Variants in PDE5A observed in about 807,000 individuals in gnomAD.
PDE5A encodes the protein phosphodiesterase 5A, also known as cGMP-specific 3',5'-cyclic phosphodiesterase.
Under a neutral mutation model 110.2 loss-of-function variants are expected in PDE5A, and 67 were observed. The ratio of observed to expected loss-of-function variants is 0.61; its 90% CI spans 0.50 to 0.75. The LOEUF is 0.75. PDE5A is among the 30% of genes least tolerant of loss of function. The pLI is 0.00. For synonymous variants in PDE5A, 328 were observed against 351.2 expected, an observed-to-expected ratio of 0.93 and a Z score of 0.74; for missense variants, 862 against 1,045.1, an observed-to-expected ratio of 0.82 and a Z score of 2.42.
intron 3 of PDE5A, 72 bp from the exon 4 acceptor site, chr4:119,567,216 T>C (rs1003268901): frequency 8.9e-7 from 1 of 1,119,204 alleles, no homozygotes; most frequent in Non-Finnish European, 1.4e-6. Context: ...CCAAAATGTA[T>C]TTATAGAAGA....
Position 119,516,425 on chromosome 4 carries a change from CAACACCA to C in PDE5A, c.2000+2613_2000+2619del, listed in dbSNP as rs879375395. ...AACATAATTTCACTGCATTATTTATCAACACCAAACTTGAATCTAACCAAATAAATGC... is the reference window on the plus strand; with the variant it reads ...AACATAATTTCACTGCATTATTTATCAACTTGAATCTAACCAAATAAATGC... On this transcript the variant is annotated intron_variant, in intron 14 of 20. Coordinates refer to ENST00000354960, the MANE Select transcript of PDE5A (RefSeq NM_001083.4). 5.1e-4 allele frequency among the ~76,000 whole-genome samples: 78 copies of C among 152,288 alleles called. 1 individual carries two copies. Among genetic ancestry groups the C allele is most frequent in the Admixed American group, 4.8e-3 (74 of 15,304 alleles).
chr4:119,572,684 T>C (rs1300628590), intron 3 of PDE5A, among the ~76,000 whole-genome samples: 1 of 152,206 alleles, frequency 6.6e-6, no homozygotes, highest in Non-Finnish European at 1.5e-5. Flanking sequence ...AAAACACAGT[T>C]TCGTGGGTCT....
intron 3 of PDE5A, among the ~76,000 whole-genome samples, chr4:119,585,522 AAGAG>A (rs749525017): frequency 1.3e-5 from 2 of 152,182 alleles, no homozygotes; most frequent in African/African-American, 2.4e-5. Context: ...AAATGATTTT[AAGAG>A]ATCATTTTAA....
intron 3 of PDE5A, among the ~76,000 whole-genome samples, chr4:119,586,528 A>T (rs1207936108): frequency 1.3e-5 from 2 of 152,212 alleles, no homozygotes; most frequent in Admixed American, 6.5e-5. Flanking sequence ...GAGAGCAGCA[A>T]TTTCATTAAC....
chr4:119,599,253 GTGAAACAGACTA>G (rs1729257851), intron 2 of PDE5A, among the ~76,000 whole-genome samples: 1 of 152,024 alleles, frequency 6.6e-6, no homozygotes, highest in Admixed American at 6.6e-5. Context: ...TCCAAATGTA[GTGAAACAGACTA>G]TGACCAGCAG....
At chr4:119,501,096 T>G (rs534434160) in intron 20 of PDE5A, 74 bp downstream of exon 20, 1 of 884,874 alleles carries the variant, frequency 1.1e-6, no homozygotes, top group East Asian at 2.4e-5. Flanking sequence ...GCGCCTAATA[T>G]TAATCTCTTC....
intron 10 of PDE5A, among the ~76,000 whole-genome samples, chr4:119,539,296 C>T (rs1166654151): frequency 1.3e-5 from 2 of 151,656 alleles, no homozygotes; most frequent in African/African-American, 2.4e-5. Context: ...TATTTATAAG[C>T]CAGCCTAGAA....
chr4:119,603,946 T>C (rs1729433876), intron 2 of PDE5A, among the ~76,000 whole-genome samples: 1 of 152,242 alleles, frequency 6.6e-6, no homozygotes, highest in Non-Finnish European at 1.5e-5. Context: ...AGTATTTTAA[T>C]TATTCAAATT....
intron 11 of PDE5A, chr4:119,528,832 GC>G (rs1726422860): frequency 6.6e-6 from 1 of 151,946 alleles, no homozygotes; most frequent in Non-Finnish European, 1.5e-5. Flanking sequence ...CCTGTACAGG[GC>G]CTAAACTCAA....
Position 119,498,399 on chromosome 4 carries a change from G to C in PDE5A, c.*202C>G. On this transcript the variant is annotated 3_prime_UTR_variant, in exon 21 of 21. Coordinates refer to ENST00000354960, the MANE Select transcript of PDE5A (RefSeq NM_001083.4). The stretch of plus-strand genomic sequence containing the variant: ...TGTTGTTGATCCTTTCAGTTCAGTA[G>C]CATAAAACAAATATACAAAAAATAT... 1.8e-6 allele frequency: 1 copy of C among 553,396 alleles called. No individual in the cohort carries two copies. Among genetic ancestry groups the C allele is most frequent in the South Asian group, 2.6e-5 (1 of 38,256 alleles). The allele number at this position is 553,396 out of a possible 1,614,324, so 34.3% of individuals were successfully genotyped here.
intron 1 of PDE5A, among the ~76,000 whole-genome samples, chr4:119,625,257 A>G (rs1432400058): frequency 1.3e-5 from 2 of 152,124 alleles, no homozygotes; most frequent in Non-Finnish European, 2.9e-5. Flanking sequence ...TCGGCCTCCC[A>G]AAGTGCTGGG....
At chr4:119,545,717 G>T (rs563798233) in intron 9 of PDE5A, among the ~76,000 whole-genome samples, 14 of 152,212 alleles carry the variant, frequency 9.2e-5, no homozygotes, top group Non-Finnish European at 1.6e-4. Flanking sequence ...TAATTCTTGG[G>T]ATCGGATGTT....
At chr4:119,581,622 C>T (rs1020570311) in intron 3 of PDE5A, among the ~76,000 whole-genome samples, 1 of 152,108 alleles carries the variant, frequency 6.6e-6, no homozygotes, top group Non-Finnish European at 1.5e-5. Context: ...GTCTCACTAG[C>T]GAAACTCCTA....
At chr4:119,571,482 G>T (rs1728137782) in intron 3 of PDE5A, among the ~76,000 whole-genome samples, 1 of 152,110 alleles carries the variant, frequency 6.6e-6, no homozygotes, top group Non-Finnish European at 1.5e-5. Flanking sequence ...AGAGGAAGGG[G>T]CCATGAGCAA....
chr4:119,498,641 A>T lies in PDE5A; in HGVS notation c.2588T>A (p.Met863Lys), dbSNP rs762264354. 5.0e-6 allele frequency: 8 copies of T among 1,614,004 alleles called. No homozygotes were observed. Among genetic ancestry groups the T allele is most frequent in the South Asian group, 1.1e-5 (1 of 91,072 alleles). The change falls in exon 21 of 21, where the codon ATG (methionine) becomes AAG (lysine). Residue 863 changes from methionine to lysine, a missense_variant. Transcript: ENST00000354960. ...WQALAEQQEK[M>K]LINGESGQAK... Reference sequence around the variant, plus strand: ...CTGGCCGCTTTCCCCATTAATCAGCATCTTCTCCTGCTGTTCTGCAAGGGC... The same window carrying T: ...CTGGCCGCTTTCCCCATTAATCAGCTTCTTCTCCTGCTGTTCTGCAAGGGC...
Position 119,526,415 on chromosome 4 carries a change from G to A in PDE5A, c.1633-720C>T, listed in dbSNP as rs1013076584. Among the ~76,000 whole-genome samples the A allele has an allele frequency of 1.9e-4, 29 of 152,082 alleles. 1 individual carries two copies. Among genetic ancestry groups the A allele is most frequent in the African/African-American group, 6.5e-4 (27 of 41,432 alleles). ...CTGGCTCCCTCAGACTGAGCAGAGC[G>A]CACAGGCTCCTCTCCTAGATGTTTT... On this transcript the variant is annotated intron_variant, in intron 11 of 20. Coordinates refer to ENST00000354960, the MANE Select transcript of PDE5A (RefSeq NM_001083.4).
At position 119,591,280 on chromosome 4, in the gene PDE5A, C is replaced by A. The variant is rs558845003; in HGVS notation, c.831+5243G>T. On this transcript the variant is annotated intron_variant, in intron 3 of 20. Transcript: ENST00000354960. The stretch of plus-strand genomic sequence containing the variant: ...TTAAAGAATAGTAGCTGATGCACTT[C>A]CAGTGTGCCAGGAACTACGTTAAAC... Among the ~76,000 whole-genome samples the A allele has an allele frequency of 2.0e-5, 3 of 152,290 alleles. No individual in the cohort carries two copies. In the South Asian group the frequency reaches 6.2e-4, roughly 32 times the overall value.
At chr4:119,546,004 CTA>C (rs1336151441) in intron 9 of PDE5A, among the ~76,000 whole-genome samples, 1 of 152,094 alleles carries the variant, frequency 6.6e-6, no homozygotes, top group Non-Finnish European at 1.5e-5. Context: ...CAATATTCAA[CTA>C]TAGTGCCTTG....
intron 3 of PDE5A, among the ~76,000 whole-genome samples, chr4:119,588,826 C>A (rs12331661): frequency 0.025 from 3,735 of 152,128 alleles, 58 homozygotes; most frequent in South Asian, 0.052. Flanking sequence ...GGAAGATATA[C>A]GCTAAAATGC....
Sources: gnomAD v4.1 joint callset for allele counts (sites outside exome capture counted in the v4.1 genomes callset) on GRCh38, gnomAD v4.1.1 for gene constraint, MANE v1.5 for transcripts, NCBI Gene and HGNC (gene_info 2026-07-23, HGNC 2026-07-21) for gene names.